Variants in PVT1 observed in about 807,000 individuals in gnomAD.
PVT1 encodes Pvt1 oncogene, also known as CXCR4/PVT1 fusion.
chr8:127,939,010 C>T (rs1247375378), intron 3 of PVT1, among the ~76,000 whole-genome samples: 1 of 152,192 alleles, frequency 6.6e-6, no homozygotes, highest in East Asian at 1.9e-4. Flanking sequence ...AAGCCTCATT[C>T]TCTTTTGTGG....
At chr8:127,849,839 TGTACATA>T in intron 2 of PVT1, among the ~76,000 whole-genome samples, 2 of 134,890 alleles carry the variant, frequency 1.5e-5, no homozygotes, top group African/African-American at 5.9e-5. Context: ...GTGCACAGCC[TGTACATA>T]TGTGTGTGTG....
At chr8:128,096,957 G>A (rs1214712003) in intron 6 of PVT1, among the ~76,000 whole-genome samples, 3 of 152,198 alleles carry the variant, frequency 2.0e-5, no homozygotes, top group Non-Finnish European at 4.4e-5. Flanking sequence ...TGTTTCCTCT[G>A]CCTCCCCAGG....
chr8:128,092,542 G>A (rs1412660725), intron 5 of PVT1, among the ~76,000 whole-genome samples: 1 of 152,228 alleles, frequency 6.6e-6, no homozygotes, highest in Non-Finnish European at 1.5e-5. Context: ...ATGCCCTGAA[G>A]CGTTCCGGAA....
At chr8:128,071,353 G>A (rs1001127468) in intron 5 of PVT1, among the ~76,000 whole-genome samples, 1 of 152,078 alleles carries the variant, frequency 6.6e-6, no homozygotes, top group African/African-American at 2.4e-5. Context: ...CCACGTGGAT[G>A]CCATAGTAAC....
intron 4 of PVT1, chr8:128,048,377 G>T (rs1329461212): frequency 6.6e-6 from 1 of 152,236 alleles, no homozygotes; most frequent in East Asian, 1.9e-4. Context: ...GCTCTCCTGG[G>T]TACTATCCCT....
chr8:128,096,737 T>G (rs1814433946), intron 6 of PVT1: 2 of 152,278 alleles, frequency 1.3e-5, no homozygotes, highest in African/African-American at 4.8e-5. Context: ...GCTTAGCATA[T>G]AGTAAACAAC....
intron 3 of PVT1, among the ~76,000 whole-genome samples, chr8:127,892,241 T>C (rs1328201725): frequency 6.6e-6 from 1 of 152,234 alleles, no homozygotes; most frequent in Non-Finnish European, 1.5e-5. Flanking sequence ...AGCTCTTAGA[T>C]GTGTTCTAAT....
chr8:127,940,136 C>G (rs1036152405), intron 3 of PVT1: 1 of 152,196 alleles, frequency 6.6e-6, no homozygotes, highest in African/African-American at 2.4e-5. Context: ...AATATCAGGC[C>G]TGGTGTCTCT....
chr8:127,968,386 TG>T (rs939440570), intron 3 of PVT1, among the ~76,000 whole-genome samples: 4 of 137,192 alleles, frequency 2.9e-5, no homozygotes, highest in African/African-American at 8.1e-5. Context: ...TGGGGTGGGA[TG>T]GGGGGTGGTT....
At chr8:127,827,019 G>A (rs1814797341) in intron 2 of PVT1, among the ~76,000 whole-genome samples, 1 of 114,070 alleles carries the variant, frequency 8.8e-6, no homozygotes, top group Non-Finnish European at 1.7e-5. Context: ...TTTTGAGATG[G>A]AGTTTTGCTC....
chr8:127,832,727 G>C (rs913629106), intron 2 of PVT1, among the ~76,000 whole-genome samples: 1 of 152,072 alleles, frequency 6.6e-6, no homozygotes, highest in South Asian at 2.1e-4. Context: ...GCGTGGTGGC[G>C]GGTGCCTGTA....
At chr8:128,063,885 C>T (rs1482073651) in intron 4 of PVT1, among the ~76,000 whole-genome samples, 2 of 152,190 alleles carry the variant, frequency 1.3e-5, no homozygotes, top group Non-Finnish European at 2.9e-5. Flanking sequence ...TGAGGTAATG[C>T]ACATGTTAAT....
At chr8:127,820,310 C>T (rs1275371057) in intron 2 of PVT1, among the ~76,000 whole-genome samples, 1 of 152,178 alleles carries the variant, frequency 6.6e-6, no homozygotes, top group Non-Finnish European at 1.5e-5. Flanking sequence ...CAAAGTTGCA[C>T]ACCCTTCTCC....
intron 3 of PVT1, among the ~76,000 whole-genome samples, chr8:127,901,376 C>T (rs1815756510): frequency 6.6e-6 from 1 of 152,078 alleles, no homozygotes; most frequent in South Asian, 2.1e-4. Flanking sequence ...TCTGTCTCAG[C>T]CAGGATCTGG....
At chr8:128,058,930 C>G (rs1384077409) in intron 4 of PVT1, among the ~76,000 whole-genome samples, 1 of 152,180 alleles carries the variant, frequency 6.6e-6, no homozygotes, top group African/African-American at 2.4e-5. Flanking sequence ...GCCATCATCC[C>G]TTCTTTAGAG....
chr8:127,903,599 G>A (rs181203640), intron 3 of PVT1, among the ~76,000 whole-genome samples: 6 of 152,076 alleles, frequency 3.9e-5, no homozygotes, highest in Non-Finnish European at 7.4e-5. Flanking sequence ...GTTATTTTTT[G>A]TGTGGTGATA....
At chr8:127,892,370 G>A (rs868768578) in intron 3 of PVT1, among the ~76,000 whole-genome samples, 5 of 152,134 alleles carry the variant, frequency 3.3e-5, no homozygotes, top group African/African-American at 1.2e-4. Context: ...TACATAGTAG[G>A]CATTTTATTT....
intron 2 of PVT1, among the ~76,000 whole-genome samples, chr8:127,844,660 CGACT>C (rs1414487702): frequency 1.3e-5 from 2 of 151,892 alleles, no homozygotes; most frequent in African/African-American, 4.8e-5. Context: ...CTCATCCACT[CGACT>C]GAACTTCTTG....
intron 2 of PVT1, among the ~76,000 whole-genome samples, chr8:127,844,718 T>TTTTTG (rs1554591108): frequency 2.0e-5 from 3 of 151,740 alleles, no homozygotes; most frequent in African/African-American, 7.3e-5. Flanking sequence ...GTTTTTGTTT[T>TTTTTG]TTTGTTTGTT....
Sources: gnomAD v4.1 joint callset for allele counts (sites outside exome capture counted in the v4.1 genomes callset) on GRCh38, gnomAD v4.1.1 for gene constraint, MANE v1.5 for transcripts, NCBI Gene and HGNC (gene_info 2026-07-23, HGNC 2026-07-21) for gene names.